Variants in UBE2Z observed in about 807,000 individuals in gnomAD.
UBE2Z encodes the protein ubiquitin-conjugating enzyme E2 Z.
A neutral mutation model predicts 32.6 loss-of-function variants in UBE2Z; 10 were observed. The ratio of observed to expected loss-of-function variants is 0.31; its 90% CI spans 0.19 to 0.52. The LOEUF is 0.52. UBE2Z is among the 20% of genes least tolerant of loss of function. The pLI is 0.97. For synonymous variants in UBE2Z, 183 were observed against 190.8 expected (o/e 0.96, Z 0.34); for missense variants, 343 against 480.9 (o/e 0.71, Z 2.68).
chr17:48,909,660 T>A (rs2040661378), intron 1 of UBE2Z, among the ~76,000 whole-genome samples: 1 of 151,540 alleles, frequency 6.6e-6, no homozygotes, highest in Non-Finnish European at 1.5e-5. Context: ...GTGACTGATC[T>A]TAGATCCTAT....
At position 48,918,078 on chromosome 17, in the gene UBE2Z, G is replaced by A. The variant is rs187500848; in HGVS notation, c.690+1891G>A. Among the ~76,000 whole-genome samples the A allele has an allele frequency of 5.6e-3, 835 of 150,356 alleles. 5 individuals are homozygous for A. The highest frequency in any genetic ancestry group is 8.6e-3 in the Non-Finnish European group (578 of 67,452). ...CAGCCTCCCGAGTAGCTGGGATTACGGGCACGCACCACCACACCTGGCTAA... is the reference window on the plus strand; with the variant it reads ...CAGCCTCCCGAGTAGCTGGGATTACAGGCACGCACCACCACACCTGGCTAA... On this transcript the variant is annotated intron_variant, in intron 4 of 6. Coordinates refer to ENST00000360943, the MANE Select transcript of UBE2Z (RefSeq NM_023079.5).
At chr17:48,922,983 A>G in intron 6 of UBE2Z, 46 bp downstream of exon 6, 3 of 1,536,682 alleles carry the variant, frequency 2.0e-6, no homozygotes, top group Non-Finnish European at 2.7e-6. Flanking sequence ...ACAGCTGGCC[A>G]TGTAAAAGCC....
At chr17:48,922,224 T>G (rs2040764275) in intron 5 of UBE2Z, among the ~76,000 whole-genome samples, 1 of 151,564 alleles carries the variant, frequency 6.6e-6, no homozygotes, top group African/African-American at 2.4e-5. Context: ...ACATCTTTAC[T>G]AAAAATACAA....
At chr17:48,912,528 G>T in intron 2 of UBE2Z, 1 of 273,332 alleles carries the variant, frequency 3.7e-6, no homozygotes. Context: ...AAAAAAAAAT[G>T]CTTTAAGAGA....
chr17:48,913,380 G>A (rs547334983), intron 3 of UBE2Z, among the ~76,000 whole-genome samples: 2 of 152,132 alleles, frequency 1.3e-5, no homozygotes, highest in Non-Finnish European at 2.9e-5. Context: ...TTTTGAGACG[G>A]AGTCTTGCTC....
intron 4 of UBE2Z, among the ~76,000 whole-genome samples, 173 bp downstream of exon 4, chr17:48,916,360 A>T (rs1013318848): frequency 6.9e-6 from 1 of 144,826 alleles, no homozygotes; most frequent in African/African-American, 2.5e-5. Flanking sequence ...GGTTCAAGCC[A>T]TTCTGTCTCA....
chr17:48,923,842 C>G (rs1450201246), intron 6 of UBE2Z, among the ~76,000 whole-genome samples: 1 of 152,000 alleles, frequency 6.6e-6, no homozygotes, highest in Non-Finnish European at 1.5e-5. Context: ...AAGCAGTCCT[C>G]CCACCTCAGC....
chr17:48,908,474 C>G lies in UBE2Z; in HGVS notation c.-30C>G. ...GCGGCCGCTCTGGTCGGCGGACGTG[C>G]TGCCGAGTAGTCCCGGAAGCGAAGC... On this transcript the variant is annotated 5_prime_UTR_variant, in exon 1 of 7. Transcript: ENST00000360943. 2.4e-6 allele frequency: 3 copies of G among 1,230,176 alleles called. No homozygotes were observed. Among genetic ancestry groups the G allele is most frequent in the Non-Finnish European group, 3.0e-6 (3 of 986,516 alleles). 76.2% of individuals were successfully genotyped at this position (1,230,176 alleles called of 1,614,324 possible). A position where few individuals can be genotyped will look rare whatever the true frequency, so the allele number is the denominator to read the frequency against.
chr17:48,908,480 AG>A lies in UBE2Z; in HGVS notation c.-23del. ...GCTCTGGTCGGCGGACGTGCTGCCG[AG>A]TAGTCCCGGAAGCGAAGCAGCGATG... On this transcript the variant is annotated 5_prime_UTR_variant, in exon 1 of 7. Coordinates refer to ENST00000360943, the MANE Select transcript of UBE2Z (RefSeq NM_023079.5). 2 of 1,230,054 alleles carry A rather than the reference AG, an allele frequency of 1.6e-6. No individual in the cohort carries two copies. Among genetic ancestry groups the A allele is most frequent in the Non-Finnish European group, 2.0e-6 (2 of 986,508 alleles). The allele number at this position is 1,230,054 out of a possible 1,614,324, so 76.2% of individuals were successfully genotyped here. A position where few individuals can be genotyped will look rare whatever the true frequency, so the allele number is the denominator to read the frequency against.
In UBE2Z at chr17:48,927,018, C is replaced by T. The variant is rs1239200453; in HGVS notation, c.949C>T (p.Leu317=). 3 of 1,613,596 alleles carry T rather than the reference C, an allele frequency of 1.9e-6. No homozygotes were observed. Among genetic ancestry groups the T allele is most frequent in the Non-Finnish European group, 2.5e-6 (3 of 1,179,826 alleles). ...HFDYQSLLMR[L]GLIRQKVLER... ...TGACTACCAGTCCCTCTTGATGCGC[C>T]TGGGACTGATACGTCAGAAAGTGCT... is the stretch of plus-strand genomic sequence containing the variant. Residue 317 remains leucine, a synonymous_variant, in exon 7 of 7, where the codon CTG becomes TTG. Transcript: ENST00000360943.
chr17:48,925,859 G>T (rs957557), intron 6 of UBE2Z, among the ~76,000 whole-genome samples: 62,538 of 152,078 alleles, frequency 0.41, 15,395 homozygotes, highest in East Asian at 0.71. Context: ...ATCCCACTCA[G>T]GATGAGGGTA....
chr17:48,923,507 C>T (rs988561462), intron 6 of UBE2Z, among the ~76,000 whole-genome samples: 1 of 151,788 alleles, frequency 6.6e-6, no homozygotes, highest in African/African-American at 2.4e-5. Context: ...TAGCATGTGC[C>T]TATAATCCCG....
At chr17:48,913,877 T>G (rs1336292248) in intron 3 of UBE2Z, among the ~76,000 whole-genome samples, 4 of 149,154 alleles carry the variant, frequency 2.7e-5, no homozygotes, top group Admixed American at 1.4e-4. Flanking sequence ...GTTTCATTTT[T>G]GTTTTGTTTT....
In UBE2Z at chr17:48,908,438, G is replaced by A. The variant is rs1008442606; in HGVS notation, c.-66G>A. On this transcript the variant is annotated 5_prime_UTR_variant, in exon 1 of 7. Coordinates refer to ENST00000360943, the MANE Select transcript of UBE2Z (RefSeq NM_023079.5). ...GCCCGGTTCTCGGTGGTGCGGGAGC[G>A]GGCGGGAGCAGCGGCCGCTCTGGTC... 6.7e-5 allele frequency: 81 copies of A among 1,201,876 alleles called. No homozygotes were observed. The highest frequency in any genetic ancestry group is 2.4e-4 in the African/African-American group (15 of 62,796). 74.5% of individuals were successfully genotyped at this position (1,201,876 alleles called of 1,614,324 possible). A position where few individuals can be genotyped will look rare whatever the true frequency, so the allele number is the denominator to read the frequency against.
At chr17:48,915,927 G>A (rs2040716211) in intron 3 of UBE2Z, 149 bp from the exon 4 acceptor site, 12 of 505,584 alleles carry the variant, frequency 2.4e-5, no homozygotes. Context: ...CAGAACATGA[G>A]CATGAGACAG....
In UBE2Z at chr17:48,927,115, A is replaced by T; in HGVS notation, c.1046A>T (p.His349Leu). Residue 349 changes from histidine to leucine, a missense_variant, in exon 7 of 7, where the codon CAT becomes CTT. His to Leu is a moderately conservative substitution (Grantham distance 99). This residue lies in a region of UBE2Z where 182 missense variants were observed against 312.4 expected (regional missense o/e 0.58). Transcript: ENST00000360943. ...TCATCTGGGACAGAGACAGACCTTCATGGGAGCCTGAGGGTTTAGACCCTG... is the reference window on the plus strand; with the variant it reads ...TCATCTGGGACAGAGACAGACCTTCTTGGGAGCCTGAGGGTTTAGACCCTG... Reference protein sequence around the residue: ...SSSSGTETDLHGSLRV With the variant: ...SSSSGTETDLLGSLRV 6.2e-7 allele frequency: 1 copy of T among 1,613,920 alleles called. No homozygotes were observed. Among genetic ancestry groups the T allele is most frequent in the South Asian group, 1.1e-5 (1 of 91,072 alleles).
In UBE2Z at chr17:48,927,277, C is replaced by T; in HGVS notation, c.*143C>T. On this transcript the variant is annotated 3_prime_UTR_variant, in exon 7 of 7. Coordinates refer to ENST00000360943, the MANE Select transcript of UBE2Z (RefSeq NM_023079.5). ...TGGCAAGAACCAAGCAAGCTCCGATCCCAGGGTGTGGGAGTGGGGGCCTGT... is the reference window on the plus strand; with the variant it reads ...TGGCAAGAACCAAGCAAGCTCCGATTCCAGGGTGTGGGAGTGGGGGCCTGT... The T allele has an allele frequency of 1.1e-6, 1 of 909,820 alleles. No individual in the cohort carries two copies. Among genetic ancestry groups the T allele is most frequent in the South Asian group, 1.7e-5 (1 of 59,042 alleles). The allele number at this position is 909,820 out of a possible 1,614,324, so 56.4% of individuals were successfully genotyped here.
At chr17:48,919,543 C>T (rs539763741) in intron 4 of UBE2Z, among the ~76,000 whole-genome samples, 1 of 152,344 alleles carries the variant, frequency 6.6e-6, no homozygotes, top group South Asian at 2.1e-4. Context: ...GTGGCACAGT[C>T]ATAGCTCACT....
Position 48,908,482 on chromosome 17 carries a change from T to C in UBE2Z, c.-22T>C, listed in dbSNP as rs1466438404. On this transcript the variant is annotated 5_prime_UTR_variant, in exon 1 of 7. Transcript: ENST00000360943. The stretch of plus-strand genomic sequence containing the variant: ...TCTGGTCGGCGGACGTGCTGCCGAG[T>C]AGTCCCGGAAGCGAAGCAGCGATGG... 8.1e-7 allele frequency: 1 copy of C among 1,229,744 alleles called. No homozygotes were observed. Among genetic ancestry groups the C allele is most frequent in the Admixed American group, 4.2e-5 (1 of 23,540 alleles). The allele number at this position is 1,229,744 out of a possible 1,614,324, so 76.2% of individuals were successfully genotyped here.
Sources: allele counts gnomAD v4.1 joint callset (sites outside exome capture counted in the v4.1 genomes callset), GRCh38; gene constraint gnomAD v4.1.1; regional missense constraint gnomAD v4.1.1; transcripts MANE v1.5; gene names NCBI Gene and HGNC (gene_info 2026-07-23, HGNC 2026-07-21).